DOCK7: variants seen among roughly 807,000 people sequenced by gnomAD.
The protein encoded by DOCK7 is dedicator of cytokinesis 7.
A neutral mutation model predicts 271.0 loss-of-function variants in DOCK7; 138 were observed. The observed-to-expected ratio is 0.51, with a 90% CI of 0.44 to 0.59. DOCK7 has a LOEUF of 0.59. Among genes scored for constraint, DOCK7 ranks in the 20% least tolerant of loss-of-function variants. DOCK7 has a pLI of 0.00. For missense variants in DOCK7, 2,066 were observed against 2,592.4 expected, an observed-to-expected ratio of 0.80 and a Z score of 4.41; for synonymous variants, 823 against 876.1, an observed-to-expected ratio of 0.94 and a Z score of 1.07.
intron 2 of DOCK7, among the ~76,000 whole-genome samples, chr1:62,660,004 C>T (rs1557872410): frequency 6.6e-6 from 1 of 152,142 alleles, no homozygotes; most frequent in Non-Finnish European, 1.5e-5. Context: ...CAAGAGATCT[C>T]TTTTCTGCAG....
chr1:62,513,738 C>G lies in DOCK7; in HGVS notation c.4097G>C (p.Cys1366Ser), dbSNP rs763653039. ...TACTTTATACTCAAAGCAAGACACA[C>G]AGAGATAAAGCAGATCTAATAGCCG... is the stretch of plus-strand genomic sequence containing the variant. ...LNRLLDLLYLCVSCFEYKGKK... is the reference protein window; with the variant it reads ...LNRLLDLLYLSVSCFEYKGKK... The change falls in exon 32 of 50, where the codon TGT becomes TCT. Residue 1366 changes from cysteine (C) to serine (S), a missense_variant. Coordinates refer to ENST00000635253, the MANE Select transcript of DOCK7 (RefSeq NM_001367561.1). 6.2e-7 allele frequency: 1 copy of G among 1,614,018 alleles called. No individual in the cohort carries two copies. The highest frequency in any genetic ancestry group is 2.2e-5 in the East Asian group (1 of 44,870).
In DOCK7 at chr1:62,648,305, C is replaced by A. The variant is rs973454938; in HGVS notation, c.533G>T (p.Arg178Ile). Reference sequence around the variant, plus strand: ...GGTATCATCTATTGACATTGAACGTCTTTTAAGGTCATCCTGTCATGCAAA... The same window carrying A: ...GGTATCATCTATTGACATTGAACGTATTTTAAGGTCATCCTGTCATGCAAA... ...SYQDDQDDLKRRSMSIDDTPR... is the reference protein window; with the variant it reads ...SYQDDQDDLKIRSMSIDDTPR... The change falls in exon 6 of 50, where the codon AGA becomes ATA. Residue 178 changes from arginine (R) to isoleucine (I), a missense_variant. Around this residue, in one of 2 missense-constraint regions of DOCK7, gnomAD observed 1,414 missense variants for 1,670.4 expected, o/e 0.85. Coordinates refer to ENST00000635253, the MANE Select transcript of DOCK7 (RefSeq NM_001367561.1). 2.5e-6 allele frequency: 4 copies of A among 1,604,074 alleles called. No individual in the cohort carries two copies. In the East Asian group the frequency reaches 8.9e-5, roughly 36 times the overall value.
At chr1:62,674,829 A>G (rs914966832) in intron 1 of DOCK7, among the ~76,000 whole-genome samples, 3 of 152,230 alleles carry the variant, frequency 2.0e-5, no homozygotes, top group Non-Finnish European at 2.9e-5. Context: ...ACCTTAATAT[A>G]ATAACTAAAA....
intron 15 of DOCK7, among the ~76,000 whole-genome samples, chr1:62,585,782 C>T (rs1167640089): frequency 1.3e-5 from 2 of 152,198 alleles, no homozygotes; most frequent in Non-Finnish European, 2.9e-5. Flanking sequence ...CTCTGAATAC[C>T]TACCTATTCC....
intron 14 of DOCK7, chr1:62,602,387 G>C (rs774149887): frequency 1.2e-6 from 2 of 1,606,364 alleles, no homozygotes; most frequent in African/African-American, 2.7e-5. Flanking sequence ...GATGGTAAGG[G>C]GACTACATTC....
At chr1:62,662,943 T>C in intron 2 of DOCK7, 82 bp downstream of exon 2, 1 of 1,103,308 alleles carries the variant, frequency 9.1e-7, no homozygotes, top group Non-Finnish European at 1.3e-6. Context: ...GGAACCCAAT[T>C]AGCTCTTATC....
At chr1:62,521,884 G>A (rs889648432) in intron 31 of DOCK7, among the ~76,000 whole-genome samples, 23 of 152,148 alleles carry the variant, frequency 1.5e-4, no homozygotes, top group African/African-American at 5.3e-4. Context: ...GCCAAGGCAG[G>A]AGAATGGCTT....
intron 48 of DOCK7, among the ~76,000 whole-genome samples, chr1:62,466,917 A>G (rs1645694354): frequency 1.3e-5 from 2 of 152,142 alleles, no homozygotes; most frequent in Admixed American, 6.5e-5. Context: ...TTCTGTCTCA[A>G]AAAAACAAAA....
intron 12 of DOCK7, 54 bp from the exon 13 acceptor site, chr1:62,620,047 C>T: frequency 1.4e-6 from 2 of 1,400,064 alleles, no homozygotes; most frequent in Non-Finnish European, 2.0e-6. Flanking sequence ...TAGCCAGGCA[C>T]AGTGGCTCAC....
intron 9 of DOCK7, chr1:62,634,037 C>T (rs1297864663): frequency 6.6e-6 from 1 of 152,042 alleles, no homozygotes; most frequent in Non-Finnish European, 1.5e-5. Context: ...AAAGATGCCA[C>T]ACAAAAAACT....
chr1:62,598,169 AC>A (rs1649571794), intron 14 of DOCK7: 3 of 1,080,718 alleles, frequency 2.8e-6, no homozygotes, highest in Admixed American at 6.1e-5. Context: ...TTGTTGAAAT[AC>A]TTTTTTTTCC....
intron 31 of DOCK7, among the ~76,000 whole-genome samples, chr1:62,526,772 C>T (rs996337166): frequency 3.3e-5 from 5 of 152,058 alleles, no homozygotes; most frequent in African/African-American, 9.7e-5. Flanking sequence ...GATACATACA[C>T]GACATGGATG....
intron 42 of DOCK7, 142 bp downstream of exon 42, chr1:62,488,792 G>T: frequency 9.5e-7 from 1 of 1,055,212 alleles, no homozygotes; most frequent in Non-Finnish European, 1.4e-6. Context: ...CTTTGGCCAT[G>T]AACTATCATT....
At chr1:62,476,452 G>T (rs1645970874) in intron 44 of DOCK7, among the ~76,000 whole-genome samples, 1 of 152,006 alleles carries the variant, frequency 6.6e-6, no homozygotes, top group South Asian at 2.1e-4. Context: ...GTCCTCAAGA[G>T]AAACAAAAGG....
chr1:62,551,096 GAC>G (rs1435741096), intron 22 of DOCK7, among the ~76,000 whole-genome samples: 5 of 152,106 alleles, frequency 3.3e-5, no homozygotes, highest in African/African-American at 1.2e-4. Context: ...AAGGGGGTGA[GAC>G]ACAGTAAAAA....
chr1:62,643,326 T>C (rs1052619579), intron 7 of DOCK7, among the ~76,000 whole-genome samples: 3 of 152,098 alleles, frequency 2.0e-5, no homozygotes, highest in African/African-American at 7.2e-5. Context: ...CATCTTAAGG[T>C]GGTTTACAGT....
At chr1:62,655,210 C>T (rs1321823569) in intron 2 of DOCK7, among the ~76,000 whole-genome samples, 1 of 152,026 alleles carries the variant, frequency 6.6e-6, no homozygotes, top group African/African-American at 2.4e-5. Flanking sequence ...TACCATACTT[C>T]TTATCTAGTT....
At chr1:62,490,349 C>T (rs1308333168) in intron 41 of DOCK7, among the ~76,000 whole-genome samples, 1 of 152,082 alleles carries the variant, frequency 6.6e-6, no homozygotes. Context: ...GATTACTATG[C>T]AACCTCCCAA....
At chr1:62,647,634 C>T in intron 7 of DOCK7, 57 bp downstream of exon 7, 1 of 1,229,762 alleles carries the variant, frequency 8.1e-7, no homozygotes, top group East Asian at 2.3e-5. Flanking sequence ...TGTTACATCA[C>T]TACTAAAATT....
Sources: allele counts gnomAD v4.1 joint callset (sites outside exome capture counted in the v4.1 genomes callset), GRCh38; gene constraint gnomAD v4.1.1; regional missense constraint gnomAD v4.1.1; transcripts MANE v1.5; gene names NCBI Gene and HGNC (gene_info 2026-07-23, HGNC 2026-07-21).